AXIN2: variants seen among roughly 807,000 people sequenced by gnomAD.
AXIN2 encodes the protein axin 2.
AXIN2 carries 21 observed loss-of-function variants against 74.7 expected under a neutral mutation model. The observed-to-expected ratio is 0.28, with a 90% CI of 0.20 to 0.40. AXIN2 has a LOEUF of 0.40. Among genes scored for constraint, AXIN2 ranks in the 10% least tolerant of loss-of-function variants. The probability of loss-of-function intolerance (pLI) is 1.00; values close to 1 mark genes in which losing one functional copy is unlikely to be tolerated. For synonymous variants in AXIN2, 532 were observed against 454.9 expected (o/e 1.17, Z -2.16); for missense variants, 1,144 against 1,111.1 (o/e 1.03, Z -0.42).
At chr17:65,538,807 G>C (rs1185364853) in intron 4 of AXIN2, among the ~76,000 whole-genome samples, 1 of 151,672 alleles carries the variant, frequency 6.6e-6, no homozygotes, top group African/African-American at 2.4e-5. Flanking sequence ...AGATTGGAAA[G>C]GAGGTGGGAG....
chr17:65,548,959 C>A (rs1020875657), intron 3 of AXIN2, among the ~76,000 whole-genome samples: 4 of 152,228 alleles, frequency 2.6e-5, no homozygotes, highest in African/African-American at 9.6e-5. Context: ...TCCACCCACA[C>A]TTACTGAATA....
chr17:65,555,993 G>A (rs1567767341), intron 2 of AXIN2, among the ~76,000 whole-genome samples: 1 of 152,036 alleles, frequency 6.6e-6, no homozygotes, highest in Non-Finnish European at 1.5e-5. Context: ...TATCAGTGAT[G>A]TCCACGGTTC....
At position 65,529,050 on chromosome 17, in the gene AXIN2, A is replaced by C. The variant is rs1014215669; in HGVS notation, c.*926T>G. On this transcript the variant is annotated 3_prime_UTR_variant, in exon 11 of 11. Transcript: ENST00000307078. ...TTGTGGGGCAGGGGGTAGTTCCTGA[A>C]TGGCTGTGGTCCAATGACTAATGTA... The C allele has an allele frequency of 3.0e-5, 7 of 236,824 alleles. No homozygotes were observed. 14.7% of individuals were successfully genotyped at this position (236,824 alleles called of 1,614,324 possible). A position where few individuals can be genotyped will look rare whatever the true frequency, so the allele number is the denominator to read the frequency against.
At position 65,529,595 on chromosome 17, in the gene AXIN2, T is replaced by C; in HGVS notation, c.*381A>G. 2.8e-6 allele frequency: 1 copy of C among 356,090 alleles called. No homozygotes were observed. The highest frequency in any genetic ancestry group is 5.2e-6 in the Non-Finnish European group (1 of 191,280). The allele number at this position is 356,090 out of a possible 1,614,324, so 22.1% of individuals were successfully genotyped here. A position where few individuals can be genotyped will look rare whatever the true frequency, so the allele number is the denominator to read the frequency against. ...TAAACTGGGGATGGGGGAAATCAAC[T>C]GTTCTATAAATATCAGTAAGGATTC... is the stretch of plus-strand genomic sequence containing the variant. On this transcript the variant is annotated 3_prime_UTR_variant, in exon 11 of 11. Transcript: ENST00000307078.
Position 65,538,152 on chromosome 17 carries a change from C to A in AXIN2, c.1200+51G>T, listed in dbSNP as rs375906660. On this transcript the variant is annotated intron_variant, in intron 5 of 10. Coordinates refer to ENST00000307078, the MANE Select transcript of AXIN2 (RefSeq NM_004655.4). ...CCCCATGCACATGCGCATACACATA[C>A]GAGCGCTCACGCCGTGGACGGAAGC... is the stretch of plus-strand genomic sequence containing the variant. 5.0e-6 allele frequency: 8 copies of A among 1,613,504 alleles called. No individual in the cohort carries two copies. The Admixed American group carries it at 8.3e-5, about 17-fold the overall frequency.
In AXIN2 at chr17:65,544,729, G is replaced by A. The variant is rs148221757; in HGVS notation, c.957-3172C>T. Among the ~76,000 whole-genome samples, 874 of 152,240 alleles carry A rather than the reference G, an allele frequency of 5.7e-3. 8 individuals carry two copies. Among genetic ancestry groups the A allele is most frequent in the South Asian group, 0.036 (175 of 4,816 alleles). ...CATTTTAGTTAACGAGCCTGCTGCC[G>A]GGCCCAGCTGTTTCTGGGGAGCATG... On this transcript the variant is annotated intron_variant, in intron 3 of 10. Coordinates refer to ENST00000307078, the MANE Select transcript of AXIN2 (RefSeq NM_004655.4).
chr17:65,535,755 T>C (rs2043901824), intron 8 of AXIN2, 34 bp from the exon 9 acceptor site: 1 of 1,575,754 alleles, frequency 6.3e-7, no homozygotes, highest in East Asian at 2.2e-5. Flanking sequence ...GATTTAGAGG[T>C]ACACTGTTGT....
chr17:65,540,327 A>C (rs1327159035), intron 4 of AXIN2, among the ~76,000 whole-genome samples: 1 of 152,186 alleles, frequency 6.6e-6, no homozygotes, highest in African/African-American at 2.4e-5. Context: ...GTACTGTTCT[A>C]GTCTCTGTGC....
chr17:65,554,934 C>T (rs1183546721), intron 2 of AXIN2, among the ~76,000 whole-genome samples: 3 of 152,094 alleles, frequency 2.0e-5, no homozygotes, highest in Admixed American at 6.5e-5. Flanking sequence ...GTCTGTGTGC[C>T]GGGGATTTTA....
intron 3 of AXIN2, among the ~76,000 whole-genome samples, chr17:65,545,259 G>T (rs564944674): frequency 1.3e-5 from 2 of 152,134 alleles, no homozygotes; most frequent in Non-Finnish European, 2.9e-5. Flanking sequence ...ACACTTGGGC[G>T]GCAAAGAGTC....
At position 65,557,993 on chromosome 17, in the gene AXIN2, T is replaced by C. The variant is rs2144583835; in HGVS notation, c.628A>G (p.Met210Val). Residue 210 changes from methionine (M) to valine (V), a missense_variant, in exon 2 of 11, where the codon ATG becomes GTG. Transcript: ENST00000307078. The stretch of plus-strand genomic sequence containing the variant: ...AGGCTCCCGAGTCCCCCATTACTCA[T>C]GTAAGCTGTGTTTTCTCCCCCACTC... The part of the protein sequence containing the change: ...VRSGGENTAY[M>V]SNGGLGSLKV... The C allele has an allele frequency of 1.2e-6, 2 of 1,614,178 alleles. No homozygotes were observed. Among genetic ancestry groups the C allele is most frequent in the South Asian group, 1.1e-5 (1 of 91,076 alleles).
In AXIN2 at chr17:65,558,217, T is replaced by C; in HGVS notation, c.404A>G (p.Tyr135Cys). 6.2e-7 allele frequency: 1 copy of C among 1,614,188 alleles called. No individual in the cohort carries two copies. Among genetic ancestry groups the C allele is most frequent in the Non-Finnish European group, 8.5e-7 (1 of 1,180,030 alleles). ...GCTGTTGTTCTCAATGTACCTTTTG[T>C]AGATCGCTTTGGCTACTCGTAAAGT... ...TKTLRVAKAI[Y>C]KRYIENNSIV... Residue 135 changes from tyrosine to cysteine, a missense_variant, in exon 2 of 11, where the codon TAC becomes TGC. This residue lies in a region of AXIN2 where 1,053 missense variants were observed against 973.5 expected (regional missense o/e 1.08). Transcript: ENST00000307078.
In AXIN2 at chr17:65,537,102, G is replaced by A. The variant is rs1383517607; in HGVS notation, c.1713-39C>T. The stretch of plus-strand genomic sequence containing the variant: ...AGAACCACACCCAACCCAGAGACCC[G>A]GTTAAATCTCCGGGACTCCTAGAAT... On this transcript the variant is annotated intron_variant, in intron 6 of 10. Transcript: ENST00000307078. The A allele has an allele frequency of 2.1e-5, 34 of 1,585,764 alleles. No individual in the cohort carries two copies. Among genetic ancestry groups the A allele is most frequent in the Non-Finnish European group, 2.7e-5 (32 of 1,171,910 alleles).
chr17:65,557,716 C>A, intron 2 of AXIN2, 90 bp downstream of exon 2: 1 of 1,345,430 alleles, frequency 7.4e-7, no homozygotes, highest in Non-Finnish European at 1.1e-6. Flanking sequence ...ACCTGTCAGT[C>A]TCTGCAGCAC....
chr17:65,535,974 T>C (rs565792300), intron 8 of AXIN2, among the ~76,000 whole-genome samples: 2 of 152,292 alleles, frequency 1.3e-5, no homozygotes, highest in Non-Finnish European at 2.9e-5. Context: ...CTGAGGACTC[T>C]TGATCCTCCA....
At chr17:65,548,817 T>C (rs1277602966) in intron 3 of AXIN2, among the ~76,000 whole-genome samples, 2 of 152,180 alleles carry the variant, frequency 1.3e-5, no homozygotes, top group African/African-American at 4.8e-5. Flanking sequence ...CCTTCTGACC[T>C]CATCGGACCA....
At chr17:65,550,533 G>A (rs1324574088) in intron 2 of AXIN2, among the ~76,000 whole-genome samples, 4 of 152,280 alleles carry the variant, frequency 2.6e-5, no homozygotes, top group East Asian at 3.9e-4. Context: ...AAGTAGCGGG[G>A]AGGGGCAGAT....
chr17:65,557,217 A>AG (rs1567767980), intron 2 of AXIN2, among the ~76,000 whole-genome samples: 1 of 152,194 alleles, frequency 6.6e-6, no homozygotes, highest in Non-Finnish European at 1.5e-5. Context: ...GGAAAGTCAC[A>AG]GGACCTTCCC....
chr17:65,532,202 C>T (rs2043833011), intron 10 of AXIN2, among the ~76,000 whole-genome samples: 2 of 151,988 alleles, frequency 1.3e-5, no homozygotes, highest in African/African-American at 4.8e-5. Context: ...GGCTTATTAA[C>T]TGTGCCTCAG....
Sources: gnomAD v4.1 joint callset for allele counts (sites outside exome capture counted in the v4.1 genomes callset) on GRCh38, gnomAD v4.1.1 for gene constraint, gnomAD v4.1.1 regional missense constraint, MANE v1.5 for transcripts, NCBI Gene and HGNC (gene_info 2026-07-23, HGNC 2026-07-21) for gene names.